The following SMARCC1 variants were observed in gnomAD, a reference collection of about 807,000 sequenced individuals.
SMARCC1 encodes SWI/SNF related BAF chromatin remodeling complex subunit C1, also known as SWI/SNF complex subunit SMARCC1.
Under a neutral mutation model 147.4 loss-of-function variants are expected in SMARCC1, and 43 were observed. The observed-to-expected ratio is 0.29, with a 90% CI of 0.23 to 0.38. The LOEUF (loss-of-function observed/expected upper bound fraction) is 0.38, where lower values mean the gene tolerates loss of function less well. Among genes scored for constraint, SMARCC1 ranks in the 10% least tolerant of loss-of-function variants. The pLI is 1.00. For synonymous variants in SMARCC1, 495 were observed against 484.4 expected, an observed-to-expected ratio of 1.02 and a Z score of -0.29; for missense variants, 1,119 against 1,381.1, an observed-to-expected ratio of 0.81 and a Z score of 3.01.
At chr3:47,630,073 C>A (rs1199866674) in intron 24 of SMARCC1, among the ~76,000 whole-genome samples, 2 of 149,470 alleles carry the variant, frequency 1.3e-5, no homozygotes, top group Admixed American at 1.4e-4. Flanking sequence ...GATGGTGCCA[C>A]AGAAGATATA....
At chr3:47,650,302 AT>A (rs1197154973) in intron 21 of SMARCC1, among the ~76,000 whole-genome samples, 1 of 145,146 alleles carries the variant, frequency 6.9e-6, no homozygotes, top group Admixed American at 6.9e-5. Context: ...AATAATAATT[AT>A]TATTATTATT....
intron 26 of SMARCC1, among the ~76,000 whole-genome samples, chr3:47,597,601 C>A (rs1301327123): frequency 6.6e-6 from 1 of 152,174 alleles, no homozygotes; most frequent in South Asian, 2.1e-4. Context: ...GCTGGGATTA[C>A]AGGCGTGAGC....
chr3:47,748,000 A>G (rs749136476), intron 2 of SMARCC1, among the ~76,000 whole-genome samples: 2 of 151,818 alleles, frequency 1.3e-5, no homozygotes, highest in Non-Finnish European at 2.9e-5. Context: ...TCTACTAAAA[A>G]TACAAAAATT....
chr3:47,719,538 T>C (rs1192461126), intron 7 of SMARCC1, among the ~76,000 whole-genome samples: 1 of 151,544 alleles, frequency 6.6e-6, no homozygotes, highest in Non-Finnish European at 1.5e-5. Flanking sequence ...CCGTCTCTAC[T>C]AAAAATACAA....
intron 26 of SMARCC1, 31 bp from the exon 27 acceptor site, chr3:47,590,868 A>ATAC: frequency 3.2e-6 from 5 of 1,578,514 alleles, no homozygotes; most frequent in Non-Finnish European, 4.3e-6. Context: ...TACTGTAAGT[A>ATAC]TACTAGAAAG....
chr3:47,722,556 A>T (rs527246392), intron 6 of SMARCC1, among the ~76,000 whole-genome samples: 2 of 152,136 alleles, frequency 1.3e-5, no homozygotes, highest in Non-Finnish European at 2.9e-5. Flanking sequence ...TCGGCCTCCC[A>T]AAGTGCTGGG....
chr3:47,721,138 T>C (rs1463643062), intron 6 of SMARCC1, among the ~76,000 whole-genome samples: 1 of 152,214 alleles, frequency 6.6e-6, no homozygotes, highest in Non-Finnish European at 1.5e-5. Context: ...TTACACATCT[T>C]TCAAGATGTA....
At chr3:47,662,623 C>T (rs2033361751) in intron 19 of SMARCC1, 31 bp from the exon 20 acceptor site, 1 of 1,595,448 alleles carries the variant, frequency 6.3e-7, no homozygotes, top group Non-Finnish European at 8.6e-7. Flanking sequence ...GCTTTCATGT[C>T]AGGTAACAAG....
intron 21 of SMARCC1, among the ~76,000 whole-genome samples, chr3:47,653,359 A>G (rs929096495): frequency 2.6e-5 from 4 of 152,210 alleles, no homozygotes; most frequent in Non-Finnish European, 5.9e-5. Flanking sequence ...AACAAGTACT[A>G]TATTTCTTAA....
At chr3:47,717,005 G>C (rs1457329349) in intron 7 of SMARCC1, among the ~76,000 whole-genome samples, 1 of 152,144 alleles carries the variant, frequency 6.6e-6, no homozygotes, top group Non-Finnish European at 1.5e-5. Context: ...GTTCACATGA[G>C]ACTGATTACA....
In SMARCC1 at chr3:47,588,489, T is replaced by C. The variant is rs1022587428; in HGVS notation, c.3221-183A>G. Among the ~76,000 whole-genome samples the C allele has an allele frequency of 1.4e-4, 22 of 152,202 alleles. 1 individual carries two copies. In the South Asian group the frequency reaches 4.1e-3, roughly 29 times the overall value. On this transcript the variant is annotated intron_variant, in intron 27 of 27. Transcript: ENST00000254480. ...AATTCCTTCTGAACCTCTAGGGCAC[T>C]GCTCAAGTTGCTTAGCCTAACCCTA... is the stretch of plus-strand genomic sequence containing the variant.
intron 6 of SMARCC1, among the ~76,000 whole-genome samples, chr3:47,721,846 T>G (rs1046628851): frequency 6.6e-6 from 1 of 152,054 alleles, no homozygotes; most frequent in Non-Finnish European, 1.5e-5. Flanking sequence ...TTCAGTCTCT[T>G]AAAAAATTTT....
chr3:47,612,332 C>T (rs62262084), intron 25 of SMARCC1, among the ~76,000 whole-genome samples: 29,256 of 152,152 alleles, frequency 0.19, 3,029 homozygotes, highest in South Asian at 0.25. Flanking sequence ...GGCCAGAAAA[C>T]ATCCTCTTAT....
In SMARCC1 at chr3:47,781,264, C is replaced by A. The variant is rs941674534; in HGVS notation, c.195+339G>T. Among the ~76,000 whole-genome samples the A allele has an allele frequency of 5.3e-5, 8 of 152,186 alleles. 1 individual carries two copies. Among genetic ancestry groups the A allele is most frequent in the Non-Finnish European group, 1.0e-4 (7 of 68,034 alleles). ...TGAAGCTGCTTTTACCACGCTTGCT[C>A]GGTCTTTAGGGATCATTGTTCACAC... On this transcript the variant is annotated intron_variant, in intron 1 of 27. Coordinates refer to ENST00000254480, the MANE Select transcript of SMARCC1 (RefSeq NM_003074.4).
intron 2 of SMARCC1, among the ~76,000 whole-genome samples, chr3:47,767,068 A>G (rs1401199854): frequency 6.6e-6 from 1 of 151,214 alleles, no homozygotes; most frequent in African/African-American, 2.4e-5. Flanking sequence ...CTGTTGTCCC[A>G]GCTACTTGGG....
In SMARCC1 at chr3:47,637,021, G is replaced by A. The variant is rs144694242; in HGVS notation, c.2377-885C>T. Reference sequence around the variant, plus strand: ...TCATGCTTTAGAAACTGAAAAAACCGCAACTGACTATCACTGACTTCATGA... The same window carrying A: ...TCATGCTTTAGAAACTGAAAAAACCACAACTGACTATCACTGACTTCATGA... On this transcript the variant is annotated intron_variant, in intron 22 of 27. Coordinates refer to ENST00000254480, the MANE Select transcript of SMARCC1 (RefSeq NM_003074.4). Among the ~76,000 whole-genome samples, 904 of 152,108 alleles carry A rather than the reference G, an allele frequency of 5.9e-3. 9 individuals carry two copies. The highest frequency in any genetic ancestry group is 0.024 in the Middle Eastern group (7 of 294).
intron 3 of SMARCC1, among the ~76,000 whole-genome samples, chr3:47,745,641 G>A (rs1433185335): frequency 6.6e-6 from 1 of 152,108 alleles, no homozygotes; most frequent in East Asian, 1.9e-4. Context: ...TGAATCTGAT[G>A]CGCGGGATGC....
At chr3:47,693,210 A>G (rs12635438) in intron 12 of SMARCC1, 31 bp downstream of exon 12, 404,709 of 1,265,940 alleles carry the variant, frequency 0.32, 67,436 homozygotes, top group South Asian at 0.43. Flanking sequence ...GACAGAAAGC[A>G]CAGACCAGTG....
intron 2 of SMARCC1, among the ~76,000 whole-genome samples, chr3:47,766,408 A>C (rs1343080258): frequency 1.3e-5 from 2 of 152,006 alleles, no homozygotes; most frequent in Non-Finnish European, 2.9e-5. Flanking sequence ...TCTACAAAAA[A>C]AAAAAACAAA....
Sources: gnomAD v4.1 joint callset for allele counts (sites outside exome capture counted in the v4.1 genomes callset) on GRCh38, gnomAD v4.1.1 for gene constraint, MANE v1.5 for transcripts, NCBI Gene and HGNC (gene_info 2026-07-23, HGNC 2026-07-21) for gene names.